The following IGFL1 variants were observed in gnomAD, a reference collection of about 807,000 sequenced individuals.
The protein encoded by IGFL1 is IGF like family member 1, also known as insulin growth factor-like family member 1.
IGFL1 carries 16 observed loss-of-function variants against 16.0 expected under a neutral mutation model. That is an observed-to-expected ratio of 1.00 (90% CI 0.68 to 1.52). The LOEUF (loss-of-function observed/expected upper bound fraction) is 1.52, where lower values mean the gene tolerates loss of function less well. Ranked by LOEUF, IGFL1 falls within the 40% of genes most tolerant of loss-of-function variation. The pLI is 0.00. For missense variants in IGFL1, 149 were observed against 141.7 expected, an observed-to-expected ratio of 1.05 and a Z score of -0.26; for synonymous variants, 59 against 54.0, an observed-to-expected ratio of 1.09 and a Z score of -0.41.
At position 46,230,513 on chromosome 19, in the gene IGFL1, C is replaced by T. The variant is rs770491377; in HGVS notation, c.319C>T (p.Arg107Cys). The change falls in exon 3 of 4, where the codon CGC (arginine) becomes TGC (cysteine). Residue 107 changes from arginine (R) to cysteine (C), a missense_variant. Physicochemically the swap from Arg to Cys is radical, Grantham distance 180. Transcript: ENST00000437936. ...CCGGACCTCGGATGACAGGCTTTGTCGCAGGTGAGTCCTGTCCCCTCCGTG... is the reference window on the plus strand; with the variant it reads ...CCGGACCTCGGATGACAGGCTTTGTTGCAGGTGAGTCCTGTCCCCTCCGTG... The part of the protein sequence containing the change: ...SARTSDDRLC[R>C]SVS The T allele has an allele frequency of 9.3e-6, 15 of 1,613,640 alleles. No homozygotes were observed. Among genetic ancestry groups the T allele is most frequent in the East Asian group, 2.2e-5 (1 of 44,898 alleles).
Position 46,231,053 on chromosome 19 carries a change from G to A in IGFL1, c.*223G>A. On this transcript the variant is annotated 3_prime_UTR_variant, in exon 4 of 4. Coordinates refer to ENST00000437936, the MANE Select transcript of IGFL1 (RefSeq NM_198541.2). ...TCTAGAATTCTGGACAGCATGAGAT[G>A]CGTGTGCTGATGGGGGCCCAGGGAC... The A allele has an allele frequency of 1.6e-6, 1 of 620,718 alleles. No individual in the cohort carries two copies. The highest frequency in any genetic ancestry group is 2.9e-6 in the Non-Finnish European group (1 of 343,270). The allele number at this position is 620,718 out of a possible 1,614,324, so 38.5% of individuals were successfully genotyped here. A position where few individuals can be genotyped will look rare whatever the true frequency, so the allele number is the denominator to read the frequency against.
Position 46,230,987 on chromosome 19 carries a change from GC to G in IGFL1, c.*160del. 1 of 770,518 alleles carries G rather than the reference GC, an allele frequency of 1.3e-6. No individual in the cohort carries two copies. Among genetic ancestry groups the G allele is most frequent in the Non-Finnish European group, 2.2e-6 (1 of 447,658 alleles). 47.7% of individuals were successfully genotyped at this position (770,518 alleles called of 1,614,324 possible). On this transcript the variant is annotated 3_prime_UTR_variant, in exon 4 of 4. Transcript: ENST00000437936. ...CACTTCATTCTGTGACCTGTCTGAG[GC>G]CCACCCTGCAGCTGCCCTGAGGAGG...
chr19:46,230,083 C>G (rs1458156214), intron 1 of IGFL1, 25 bp from the exon 2 acceptor site: 1 of 1,611,668 alleles, frequency 6.2e-7, no homozygotes, highest in African/African-American at 1.3e-5. Context: ...CCACTCACCC[C>G]ATCTTCCCTT....
In IGFL1 at chr19:46,230,813, A is replaced by G. The variant is rs1355780056; in HGVS notation, c.324-8A>G. On this transcript the variant is annotated splice_polypyrimidine_tract_variant and splice_region_variant and intron_variant, in intron 3 of 3. Coordinates refer to ENST00000437936, the MANE Select transcript of IGFL1 (RefSeq NM_198541.2). ...CCGCTCAGTGTCTCTCTCTGTCACT[A>G]TCTCCAGTGTCAGCTAATGGAACAT... The G allele has an allele frequency of 4.3e-6, 7 of 1,611,614 alleles. No individual in the cohort carries two copies. Among genetic ancestry groups the G allele is most frequent in the Admixed American group, 1.7e-5 (1 of 59,762 alleles).
At position 46,230,493 on chromosome 19, in the gene IGFL1, C is replaced by A. The variant is rs190483911; in HGVS notation, c.299C>A (p.Thr100Asn). Residue 100 changes from threonine (T) to asparagine (N), a missense_variant, in exon 3 of 4, where the codon ACC becomes AAC. Thr to Asn is a moderately conservative substitution (Grantham distance 65, BLOSUM62 0). Coordinates refer to ENST00000437936, the MANE Select transcript of IGFL1 (RefSeq NM_198541.2). ...LINQNCDSAR[T>N]SDDRLCRSVS The stretch of plus-strand genomic sequence containing the variant: ...AACCAGAACTGCGACTCAGCCCGGA[C>A]CTCGGATGACAGGCTTTGTCGCAGG... 6.2e-7 allele frequency: 1 copy of A among 1,613,950 alleles called. No homozygotes were observed. The highest frequency in any genetic ancestry group is 8.5e-7 in the Non-Finnish European group (1 of 1,179,896).
intron 3 of IGFL1, 141 bp from the exon 4 acceptor site, chr19:46,230,680 T>A (rs1967233827): frequency 8.7e-6 from 12 of 1,374,932 alleles, no homozygotes; most frequent in Non-Finnish European, 1.2e-5. Context: ...CATTTTTATT[T>A]CCCTCTCAGA....
chr19:46,230,207 C>T, intron 2 of IGFL1, 46 bp downstream of exon 2: 1 of 1,613,438 alleles, frequency 6.2e-7, no homozygotes. Flanking sequence ...GTACACCTTC[C>T]AGGGGACCCC....
Position 46,230,497 on chromosome 19 carries a change from G to A in IGFL1, c.303G>A (p.Ser101=), listed in dbSNP as rs781191404. 64 of 1,613,788 alleles carry A rather than the reference G, an allele frequency of 4.0e-5. 1 individual carries two copies. Among genetic ancestry groups the A allele is most frequent in the African/African-American group, 2.5e-4 (19 of 74,912 alleles). The change falls in exon 3 of 4, where the codon TCG becomes TCA. Residue 101 remains serine, a synonymous_variant. Transcript: ENST00000437936. ...AGAACTGCGACTCAGCCCGGACCTC[G>A]GATGACAGGCTTTGTCGCAGGTGAG... is the stretch of plus-strand genomic sequence containing the variant. The part of the protein sequence containing the change: ...INQNCDSART[S]DDRLCRSVS
chr19:46,230,555 G>A (rs1967232485), intron 3 of IGFL1, 38 bp downstream of exon 3: 1 of 1,607,762 alleles, frequency 6.2e-7, no homozygotes, highest in Middle Eastern at 1.7e-4. Context: ...TGGGTGCAGG[G>A]TAGCTGCATG....
rs1967230057 is a variant in IGFL1 at position 46,230,409 on chromosome 19, G to T, written c.215G>T (p.Cys72Phe). 6.2e-7 allele frequency: 1 copy of T among 1,613,916 alleles called. No homozygotes were observed. The highest frequency in any genetic ancestry group is 1.3e-5 in the African/African-American group (1 of 74,936). Residue 72 changes from cysteine to phenylalanine, a missense_variant, in exon 3 of 4, where the codon TGC (cysteine) becomes TTC (phenylalanine). By Grantham distance (205) the Cys-to-Phe change is radical (BLOSUM62 -2). Coordinates refer to ENST00000437936, the MANE Select transcript of IGFL1 (RefSeq NM_198541.2). Reference protein sequence around the residue: ...PLARTQTCGNCTFRVCFEQCC... With the variant: ...PLARTQTCGNFTFRVCFEQCC... ...GCCAGGACCCAGACGTGTGGAAACT[G>T]CACCTTCAGAGTCTGCTTTGAGCAG... is the stretch of plus-strand genomic sequence containing the variant.
intron 1 of IGFL1, 131 bp from the exon 2 acceptor site, chr19:46,229,977 G>A: frequency 7.9e-7 from 1 of 1,259,730 alleles, no homozygotes; most frequent in Non-Finnish European, 1.1e-6. Flanking sequence ...CCCATCCACA[G>A]CCCTGTTTCA....
At position 46,229,776 on chromosome 19, in the gene IGFL1, TGGCTCCCC is replaced by T; in HGVS notation, c.4_11del (p.Ala2_?4). The T allele has an allele frequency of 6.2e-7, 1 of 1,606,894 alleles. No homozygotes were observed. Among genetic ancestry groups the T allele is most frequent in the Non-Finnish European group, 8.5e-7 (1 of 1,177,022 alleles). On this transcript the variant is annotated frameshift_variant and start_lost, in exon 1 of 4. Transcript: ENST00000437936. LOFTEE classifies it high-confidence loss of function. ...ACTCCACTGCAACCACCCAGAGCCATGGCTCCCCGAGGCTGCATCGTAGGTAAGGAGGA... is the reference window on the plus strand; with the variant it reads ...ACTCCACTGCAACCACCCAGAGCCATGAGGCTGCATCGTAGGTAAGGAGGA...
chr19:46,230,656 C>A, intron 3 of IGFL1, 139 bp downstream of exon 3: 2 of 1,387,308 alleles, frequency 1.4e-6, no homozygotes, highest in South Asian at 2.4e-5. Flanking sequence ...TTTCCCTACA[C>A]CTGTGTCTCC....
At position 46,230,158 on chromosome 19, in the gene IGFL1, C is replaced by G. The variant is rs1294689529; in HGVS notation, c.76C>G (p.Pro26Ala). The change falls in exon 2 of 4, where the codon CCA (proline) becomes GCA (alanine). Residue 26 changes from proline to alanine, a missense_variant. Physicochemically the swap from Pro to Ala is conservative, Grantham distance 27. Transcript: ENST00000437936. ...ISRLLCSHGA[P>A]VAPMTPYLML... is the part of the protein sequence containing the mutation. ...CAGGCTCCTCTGCTCACACGGAGCC[C>G]CAGGTGAGCCCAGGAGTGTTTGGGA... The G allele has an allele frequency of 6.2e-7, 1 of 1,613,948 alleles. No individual in the cohort carries two copies. Among genetic ancestry groups the G allele is most frequent in the East Asian group, 2.2e-5 (1 of 44,884 alleles).
At position 46,230,919 on chromosome 19, in the gene IGFL1, T is replaced by C. The variant is rs969052577; in HGVS notation, c.*89T>C. 2.3e-6 allele frequency: 3 copies of C among 1,332,750 alleles called. No individual in the cohort carries two copies. The African/African-American group carries it at 4.4e-5, about 19-fold the overall frequency. The allele number at this position is 1,332,750 out of a possible 1,614,324, so 82.6% of individuals were successfully genotyped here. On this transcript the variant is annotated 3_prime_UTR_variant, in exon 4 of 4. Coordinates refer to ENST00000437936, the MANE Select transcript of IGFL1 (RefSeq NM_198541.2). The stretch of plus-strand genomic sequence containing the variant: ...TGGTGTTACCTGAGATCTGGGATGC[T>C]GAGTGGCTGTTTGGGGGCCAGAGAA...
At chr19:46,230,737 C>T in intron 3 of IGFL1, 84 bp from the exon 4 acceptor site, 2 of 1,501,800 alleles carry the variant, frequency 1.3e-6, no homozygotes, top group Non-Finnish European at 1.8e-6. Context: ...GCTCTCCTGT[C>T]CTCATTTCTG....
Position 46,231,139 on chromosome 19 carries a change from TG to T in IGFL1, c.*313del. 1 of 498,642 alleles carries T rather than the reference TG, an allele frequency of 2.0e-6. No homozygotes were observed. Among genetic ancestry groups the T allele is most frequent in the South Asian group, 2.6e-5 (1 of 38,456 alleles). The allele number at this position is 498,642 out of a possible 1,614,324, so 30.9% of individuals were successfully genotyped here. On this transcript the variant is annotated 3_prime_UTR_variant, in exon 4 of 4. Transcript: ENST00000437936. Reference sequence around the variant, plus strand: ...AACCCGGCACCACCCCAAGGCTGGCTGGGGAACCCTTCACCCTTCTGTGAGA... The same window carrying T: ...AACCCGGCACCACCCCAAGGCTGGCTGGGAACCCTTCACCCTTCTGTGAGA...
chr19:46,230,576 C>G, intron 3 of IGFL1, 59 bp downstream of exon 3: 2 of 1,596,090 alleles, frequency 1.3e-6, no homozygotes, highest in African/African-American at 1.3e-5. Flanking sequence ...CCTGTTCTGC[C>G]CTGGGTGGAG....
chr19:46,230,353 C>T lies in IGFL1; in HGVS notation c.159C>T (p.His53=), dbSNP rs766892297. The T allele has an allele frequency of 3.7e-6, 6 of 1,614,052 alleles. No homozygotes were observed. The South Asian group carries it at 4.4e-5, about 12-fold the overall frequency. ...ACAAGTTCTACGACCCCCTGCAGCA[C>T]TGTTGCTATGATGATGCCGTCGTGC... ...CGDKFYDPLQ[H]CCYDDAVVPL... is the part of the protein sequence containing the mutation. Residue 53 remains histidine, a synonymous_variant, in exon 3 of 4, where the codon CAC becomes CAT. Transcript: ENST00000437936.
Sources: gnomAD v4.1 joint callset for allele counts on GRCh38, gnomAD v4.1.1 for gene constraint, MANE v1.5 for transcripts, NCBI Gene and HGNC (gene_info 2026-07-23, HGNC 2026-07-21) for gene names.